Variants in ZNF563 observed in about 807,000 individuals in gnomAD.
ZNF563 encodes zinc finger protein 563.
In ZNF563, 39 loss-of-function variants were observed where a neutral mutation model predicts 48.5. That is an observed-to-expected ratio of 0.80 (90% CI 0.62 to 1.05). The LOEUF (loss-of-function observed/expected upper bound fraction) is 1.05, where lower values mean the gene tolerates loss of function less well. Ranked by LOEUF, ZNF563 falls within the 50% of genes least tolerant of loss-of-function variation. ZNF563 has a pLI of 0.00. For synonymous variants in ZNF563, 168 were observed against 187.9 expected (o/e 0.89, Z 0.87); for missense variants, 538 against 597.0 (o/e 0.90, Z 1.03).
At chr19:12,330,791 A>G (rs527695528) in intron 1 of ZNF563, among the ~76,000 whole-genome samples, 1 of 152,296 alleles carries the variant, frequency 6.6e-6, no homozygotes, top group Non-Finnish European at 1.5e-5. Context: ...TATTCACTCT[A>G]TTACCTCAGC....
the ZNF563 span, among the ~76,000 whole-genome samples, chr19:12,342,779 T>TAA: frequency 1.3e-4 from 13 of 96,396 alleles, no homozygotes; most frequent in South Asian, 3.2e-3. Context: ...TCTCAAAAAT[T>TAA]AAAAAAAAAA....
chr19:12,321,235 T>A lies in ZNF563; in HGVS notation c.191+37A>T, dbSNP rs373519704. 68 of 1,421,038 alleles carry A rather than the reference T, an allele frequency of 4.8e-5. No individual in the cohort carries two copies. In the Middle Eastern group the frequency reaches 9.4e-4, roughly 20 times the overall value. 88.0% of individuals were successfully genotyped at this position (1,421,038 alleles called of 1,614,324 possible). ...AATTTCCTTTTACTCTGAGAATCAC[T>A]TCAGAAACATAACTTTCTCCTGTGA... On this transcript the variant is annotated intron_variant, in intron 3 of 3. Coordinates refer to ENST00000293725, the MANE Select transcript of ZNF563 (RefSeq NM_145276.3).
In ZNF563 at chr19:12,330,101, A is replaced by C. The variant is rs374145684; in HGVS notation, c.3+3379T>G. Among the ~76,000 whole-genome samples, 23 of 152,166 alleles carry C rather than the reference A, an allele frequency of 1.5e-4. No homozygotes were observed. The East Asian group carries it at 2.3e-3, about 15-fold the overall frequency. On this transcript the variant is annotated intron_variant, in intron 1 of 3. Coordinates refer to ENST00000293725, the MANE Select transcript of ZNF563 (RefSeq NM_145276.3). ...AAGCCCAGCCAATTTTTGTATTCTT[A>C]GTAGAGACGGGCTTCCCCATGTTGG...
At chr19:12,346,638 A>C in the ZNF563 span, 1 of 152,234 alleles carries the variant, frequency 6.6e-6, no homozygotes, top group Non-Finnish European at 1.5e-5. Context: ...AGACATAGAC[A>C]TACCACATCC....
chr19:12,344,980 T>C, the ZNF563 span, among the ~76,000 whole-genome samples: 5 of 151,730 alleles, frequency 3.3e-5, no homozygotes, highest in Admixed American at 6.6e-5. Flanking sequence ...AAAATAATTT[T>C]AGTTATAAAA....
At chr19:12,340,404 T>C in the ZNF563 span, among the ~76,000 whole-genome samples, 1 of 152,108 alleles carries the variant, frequency 6.6e-6, no homozygotes, top group Non-Finnish European at 1.5e-5. Flanking sequence ...CTCAGGAGAC[T>C]GAGGTAGGAC....
chr19:12,333,985 C>T (rs1326261420), upstream of ZNF563, among the ~76,000 whole-genome samples: 1 of 152,212 alleles, frequency 6.6e-6, no homozygotes, highest in African/African-American at 2.4e-5. Context: ...AAGTGTTTTG[C>T]AGGGAATCCC....
At chr19:12,322,829 T>A in intron 1 of ZNF563, 118 bp from the exon 2 acceptor site, 1 of 1,122,858 alleles carries the variant, frequency 8.9e-7, no homozygotes, top group Non-Finnish European at 1.2e-6. Flanking sequence ...AATGATGTAG[T>A]AAACTCTCTC....
At chr19:12,334,741 C>T (rs962918614), upstream of ZNF563, among the ~76,000 whole-genome samples, 3 of 151,758 alleles carry the variant, frequency 2.0e-5, no homozygotes, top group Admixed American at 6.6e-5. Context: ...TGGTGGCGGG[C>T]ACCTGTAATC....
chr19:12,321,768 CAT>C (rs1968631951), intron 2 of ZNF563, among the ~76,000 whole-genome samples: 4 of 152,114 alleles, frequency 2.6e-5, no homozygotes, highest in East Asian at 1.9e-4. Context: ...TTGAACAACA[CAT>C]GTTTGAACTG....
intron 1 of ZNF563, among the ~76,000 whole-genome samples, chr19:12,324,349 ACTCTGT>A (rs1312496458): frequency 6.8e-6 from 1 of 148,140 alleles, no homozygotes; most frequent in Non-Finnish European, 1.5e-5. Flanking sequence ...ATACAGTGAG[ACTCTGT>A]CTCAAAAAAA....
At chr19:12,321,251 T>C in intron 3 of ZNF563, 21 bp downstream of exon 3, 1 of 1,534,836 alleles carries the variant, frequency 6.5e-7, no homozygotes. Flanking sequence ...AACATAACTT[T>C]CTCCTGTGAG....
In ZNF563 at chr19:12,322,728, A is replaced by G; in HGVS notation, c.4-17T>C. ...CACTGCGTCCTGAAACATCCCACAT[A>G]GATAGAGGAGAAAGGTTGAGTGACA... On this transcript the variant is annotated splice_polypyrimidine_tract_variant and intron_variant, in intron 1 of 3. Transcript: ENST00000293725. 6.3e-7 allele frequency: 1 copy of G among 1,578,784 alleles called. No individual in the cohort carries two copies. Among genetic ancestry groups the G allele is most frequent in the Non-Finnish European group, 8.6e-7 (1 of 1,163,478 alleles).
chr19:12,319,229 T>G lies in ZNF563; in HGVS notation c.796A>C (p.Ser266Arg). 1 of 1,614,180 alleles carries G rather than the reference T, an allele frequency of 6.2e-7. No individual in the cohort carries two copies. The highest frequency in any genetic ancestry group is 8.5e-7 in the Non-Finnish European group (1 of 1,180,030). ...GTTCTTTCATGTCTTATATAGGAAC[T>G]GGAATCAGGCAAGGCTTTAGAACAC... ...KQCSKALPDS[S>R]SYIRHERTHT... Residue 266 changes from serine to arginine, a missense_variant, in exon 4 of 4, where the codon AGT becomes CGT. By Grantham distance (110) the Ser-to-Arg change is moderately radical. Transcript: ENST00000293725.
At chr19:12,343,153 C>G in the ZNF563 span, among the ~76,000 whole-genome samples, 1 of 151,434 alleles carries the variant, frequency 6.6e-6, no homozygotes, top group Non-Finnish European at 1.5e-5. Context: ...GCTGAGATCA[C>G]GTCACTGCCC....
rs115322274 is a variant in ZNF563, at chr19:12,325,575, T to A, written c.4-2864A>T. On this transcript the variant is annotated intron_variant, in intron 1 of 3. Transcript: ENST00000293725. Reference sequence around the variant, plus strand: ...TTAGGGTATTCAAAAGCACCCATTATATTGTGGAACTGAGAGAGCCACATG... The same window carrying A: ...TTAGGGTATTCAAAAGCACCCATTAAATTGTGGAACTGAGAGAGCCACATG... 3.8e-3 allele frequency among the ~76,000 whole-genome samples: 571 copies of A among 152,094 alleles called. 2 individuals are homozygous for A. Among genetic ancestry groups the A allele is most frequent in the African/African-American group, 0.013 (548 of 41,490 alleles).
chr19:12,319,617 A>C lies in ZNF563; in HGVS notation c.408T>G (p.Tyr136Ter). ...SGHKPHEYQE[Y>*]GEKPHTHKQR... ...GTTTATGTGTATGTGGCTTCTCTCCATATTCCTGATACTCATGTGGTTTGT... is the reference window on the plus strand; with the variant it reads ...GTTTATGTGTATGTGGCTTCTCTCCCTATTCCTGATACTCATGTGGTTTGT... The change falls in exon 4 of 4, where the codon TAT becomes TAG. Residue 136 changes from tyrosine (Y) to a stop codon, truncating the protein, a stop_gained. Transcript: ENST00000293725. LOFTEE classifies it high-confidence loss of function. 1 of 1,614,198 alleles carries C rather than the reference A, an allele frequency of 6.2e-7. No homozygotes were observed. The highest frequency in any genetic ancestry group is 2.2e-5 in the East Asian group (1 of 44,884).
At chr19:12,326,613 C>T (rs535146517) in intron 1 of ZNF563, among the ~76,000 whole-genome samples, 1 of 150,362 alleles carries the variant, frequency 6.7e-6, no homozygotes, top group African/African-American at 2.4e-5. Context: ...CACTGCACTC[C>T]AGTATGGGCG....
intron 1 of ZNF563, among the ~76,000 whole-genome samples, chr19:12,325,687 G>C (rs976725410): frequency 9.8e-5 from 15 of 152,306 alleles, no homozygotes; most frequent in African/African-American, 3.6e-4. Context: ...TAGTAAAACA[G>C]AAAGTAAATG....
Sources: allele counts gnomAD v4.1 joint callset (sites outside exome capture counted in the v4.1 genomes callset), GRCh38; gene constraint gnomAD v4.1.1; transcripts MANE v1.5; gene names NCBI Gene and HGNC (gene_info 2026-07-23, HGNC 2026-07-21).